Variants in PUS7 observed in about 807,000 individuals in gnomAD.
PUS7 encodes the protein pseudouridylate synthase 7 homolog.
In PUS7, 48 loss-of-function variants were observed where a neutral mutation model predicts 79.8. The observed-to-expected ratio is 0.60, with a 90% CI of 0.48 to 0.76. PUS7 has a LOEUF of 0.76. Ranked by LOEUF, PUS7 falls within the 30% of genes least tolerant of loss-of-function variation. PUS7 has a pLI of 0.00. For synonymous variants in PUS7, 286 were observed against 272.2 expected (o/e 1.05, Z -0.50); for missense variants, 729 against 797.6 (o/e 0.91, Z 1.04).
At position 105,456,629 on chromosome 7, in the gene PUS7, A is replaced by C. The variant is rs188447593; in HGVS notation, c.*1161T>G. On this transcript the variant is annotated 3_prime_UTR_variant, in exon 16 of 16. Transcript: ENST00000469408. ...AAAATTGATACAATTTTGATATACA[A>C]CTTTAGAAAGGCATATTTATCCTTT... is the stretch of plus-strand genomic sequence containing the variant. 5.3e-5 allele frequency: 8 copies of C among 152,328 alleles called. No homozygotes were observed. In the East Asian group the frequency reaches 1.5e-3, roughly 29 times the overall value. The allele number at this position is 152,328 out of a possible 1,614,324, so 9.4% of individuals were successfully genotyped here.
chr7:105,493,066 TCATTA>T (rs1388901371), intron 6 of PUS7, among the ~76,000 whole-genome samples: 10 of 152,232 alleles, frequency 6.6e-5, no homozygotes, highest in African/African-American at 2.2e-4. Context: ...CATCTACAAT[TCATTA>T]CATTACATAA....
intron 9 of PUS7, among the ~76,000 whole-genome samples, chr7:105,472,920 CT>C (rs758552553): frequency 0.032 from 3,685 of 116,350 alleles, 172 homozygotes; most frequent in African/African-American, 0.11. Context: ...TGCCCAGCTA[CT>C]TTTTTTTTTT....
At chr7:105,459,075 G>C (rs1586079077) in intron 15 of PUS7, 93 bp downstream of exon 15, 2 of 652,560 alleles carry the variant, frequency 3.1e-6, no homozygotes, top group African/African-American at 1.8e-5. Context: ...GGTGGTGGTA[G>C]TGCTTGTAAG....
At chr7:105,514,413 T>A (rs1175321214) in intron 1 of PUS7, among the ~76,000 whole-genome samples, 4 of 151,556 alleles carry the variant, frequency 2.6e-5, no homozygotes, top group African/African-American at 7.3e-5. Flanking sequence ...GACCATCCTG[T>A]CCAACACAGT....
intron 8 of PUS7, among the ~76,000 whole-genome samples, 165 bp downstream of exon 8, chr7:105,482,147 G>A (rs1456562158): frequency 6.6e-6 from 1 of 152,216 alleles, no homozygotes; most frequent in Non-Finnish European, 1.5e-5. Context: ...CTCTCACAGA[G>A]GTATCTGCTC....
In PUS7 at chr7:105,481,151, A is replaced by G; in HGVS notation, c.1076T>C (p.Val359Ala). 5 of 1,610,570 alleles carry G rather than the reference A, an allele frequency of 3.1e-6. No homozygotes were observed. The highest frequency in any genetic ancestry group is 4.2e-6 in the Non-Finnish European group (5 of 1,178,574). The change falls in exon 9 of 16, where the codon GTA becomes GCA. Residue 359 changes from valine to alanine, a missense_variant. Val to Ala is a moderately conservative substitution (Grantham distance 64). Transcript: ENST00000469408. ...CTTGAGAGAGTTCATAGCTTGCTGT[A>G]CTTGGTCATCAGTTCCTGTTATATT... ...LRNITGTDDQ[V>A]QQAMNSLKEI... is the part of the protein sequence containing the mutation.
At chr7:105,459,651 A>T (rs1290527429) in intron 14 of PUS7, among the ~76,000 whole-genome samples, 1 of 151,436 alleles carries the variant, frequency 6.6e-6, no homozygotes, top group East Asian at 1.9e-4. Flanking sequence ...TTGGCCAGGG[A>T]GGTCTCAAAC....
chr7:105,506,937 A>T (rs1377913495), intron 2 of PUS7, among the ~76,000 whole-genome samples: 1 of 152,232 alleles, frequency 6.6e-6, no homozygotes, highest in Non-Finnish European at 1.5e-5. Context: ...CAGTAAGTCT[A>T]CCATGAACTA....
intron 1 of PUS7, among the ~76,000 whole-genome samples, chr7:105,519,937 A>C (rs371383099): frequency 3.9e-5 from 6 of 152,230 alleles, no homozygotes; most frequent in African/African-American, 1.4e-4. Context: ...CTTAGTCGAC[A>C]GTATGACCAG....
chr7:105,511,323 G>A (rs118006986), intron 1 of PUS7, among the ~76,000 whole-genome samples: 19,908 of 149,850 alleles, frequency 0.13, 1,715 homozygotes, highest in South Asian at 0.25. Context: ...GTGAGCCACC[G>A]CACCTGGCCC....
intron 14 of PUS7, 104 bp downstream of exon 14, chr7:105,462,517 C>A: frequency 8.2e-7 from 1 of 1,217,224 alleles, no homozygotes; most frequent in Non-Finnish European, 1.2e-6. Context: ...CAATCTGTCA[C>A]TGACTGAAAA....
intron 14 of PUS7, 176 bp downstream of exon 14, chr7:105,462,445 A>G (rs866475574): frequency 1.4e-6 from 1 of 723,544 alleles, no homozygotes; most frequent in Non-Finnish European, 2.1e-6. Flanking sequence ...AAAAACCAAA[A>G]AAAAAACAAA....
At chr7:105,474,729 C>A (rs181034888) in intron 9 of PUS7, among the ~76,000 whole-genome samples, 7 of 152,026 alleles carry the variant, frequency 4.6e-5, no homozygotes, top group Admixed American at 2.6e-4. Context: ...TGCAGTGAGC[C>A]GAGATGGTGC....
At position 105,458,427 on chromosome 7, in the gene PUS7, A is replaced by AT. The variant is rs1161059627; in HGVS notation, c.1850-502dup. Among the ~76,000 whole-genome samples, 1,296 of 143,414 alleles carry AT rather than the reference A, an allele frequency of 9.0e-3. 10 individuals carry two copies. Among genetic ancestry groups the AT allele is most frequent in the Admixed American group, 0.017 (243 of 14,238 alleles). The allele number at this position is 143,414 out of a possible 152,430, so 94.1% of individuals were successfully genotyped here. ...AGGTGCCCACCACCACGCCCGCCTA[A>AT]TTTTTTTTTTTGTATTTTCAGTAGA... is the stretch of plus-strand genomic sequence containing the variant. On this transcript the variant is annotated intron_variant, in intron 15 of 15. Coordinates refer to ENST00000469408, the MANE Select transcript of PUS7 (RefSeq NM_019042.5).
intron 14 of PUS7, among the ~76,000 whole-genome samples, chr7:105,459,981 C>T (rs959597011): frequency 1.3e-5 from 2 of 151,854 alleles, no homozygotes; most frequent in Non-Finnish European, 2.9e-5. Flanking sequence ...CTCTGTCGCC[C>T]AGGCTGGAGT....
rs183253782 is a variant in PUS7, at chr7:105,471,527, T to C, written c.1237+605A>G. 2.8e-4 allele frequency among the ~76,000 whole-genome samples: 43 copies of C among 152,328 alleles called. No individual in the cohort carries two copies. In the East Asian group the frequency reaches 8.1e-3, roughly 29 times the overall value. The stretch of plus-strand genomic sequence containing the variant: ...CACTGAACAAGCTAAAGAGCTAAAA[T>C]AGAGGCTGGGCGTGGTGCTCACGCC... On this transcript the variant is annotated intron_variant, in intron 10 of 15. Transcript: ENST00000469408.
At chr7:105,462,393 T>C (rs564931592) in intron 14 of PUS7, 7 of 454,680 alleles carry the variant, frequency 1.5e-5, no homozygotes, top group African/African-American at 8.3e-5. Flanking sequence ...GATCATGCTA[T>C]TGTGCTCCAG....
At chr7:105,459,122 A>G (rs769715546) in intron 15 of PUS7, 46 bp downstream of exon 15, 3 of 1,271,574 alleles carry the variant, frequency 2.4e-6, no homozygotes, top group South Asian at 3.1e-5. Flanking sequence ...TTTGTTTAAC[A>G]AAACATTTCA....
At chr7:105,467,942 T>C (rs1823724652) in intron 12 of PUS7, among the ~76,000 whole-genome samples, 3 of 152,036 alleles carry the variant, frequency 2.0e-5, no homozygotes, top group African/African-American at 7.2e-5. Flanking sequence ...GACATCTCTT[T>C]TTTTTTTTGA....
Sources: gnomAD v4.1 joint callset for allele counts (sites outside exome capture counted in the v4.1 genomes callset) on GRCh38, gnomAD v4.1.1 for gene constraint, MANE v1.5 for transcripts, NCBI Gene and HGNC (gene_info 2026-07-23, HGNC 2026-07-21) for gene names.